Variants in NCKAP5 observed in about 807,000 individuals in gnomAD.
The protein encoded by NCKAP5 is NCK associated protein 5.
NCKAP5 carries 92 observed loss-of-function variants against 167.0 expected under a neutral mutation model. The ratio of observed to expected loss-of-function variants is 0.55; its 90% CI spans 0.47 to 0.66. The LOEUF (loss-of-function observed/expected upper bound fraction) is 0.66, where lower values mean the gene tolerates loss of function less well. Ranked by LOEUF, NCKAP5 falls within the 30% of genes least tolerant of loss-of-function variation. NCKAP5 has a pLI of 0.00. For synonymous variants in NCKAP5, 891 were observed against 877.4 expected (o/e 1.02, Z -0.27); for missense variants, 2,378 against 2,315.0 (o/e 1.03, Z -0.56).
chr2:132,693,135 A>C (rs1686939358), intron 19 of NCKAP5, among the ~76,000 whole-genome samples: 1 of 152,214 alleles, frequency 6.6e-6, no homozygotes, highest in African/African-American at 2.4e-5. Flanking sequence ...GCTGAAGTCA[A>C]AATTCATTCA....
At chr2:133,453,789 C>A (rs1022215379) in intron 3 of NCKAP5, among the ~76,000 whole-genome samples, 1 of 151,962 alleles carries the variant, frequency 6.6e-6, no homozygotes, top group Admixed American at 6.6e-5. Flanking sequence ...TTCAACTTTT[C>A]TGGATATGTT....
At chr2:133,622,086 C>A in the NCKAP5 span, among the ~76,000 whole-genome samples, 9 of 152,126 alleles carry the variant, frequency 5.9e-5, 1 homozygote, top group East Asian at 1.7e-3. Context: ...ATGCAGCATC[C>A]CTTTATGATT....
intron 11 of NCKAP5, among the ~76,000 whole-genome samples, chr2:132,840,817 T>A (rs192186441): frequency 8.5e-4 from 130 of 152,284 alleles, no homozygotes; most frequent in African/African-American, 2.9e-3. Flanking sequence ...ATATTTATTT[T>A]AAAAAATATT....
At chr2:133,275,100 G>T (rs1028308711) in intron 4 of NCKAP5, among the ~76,000 whole-genome samples, 8 of 151,686 alleles carry the variant, frequency 5.3e-5, no homozygotes, top group Admixed American at 2.0e-4. Flanking sequence ...AAAAGTGGGG[G>T]GAAGCATAGA....
In NCKAP5 at chr2:132,784,605, C is replaced by T. The variant is rs1401790430; in HGVS notation, c.2206G>A (p.Glu736Lys). The T allele has an allele frequency of 1.9e-6, 3 of 1,608,434 alleles. No homozygotes were observed. The highest frequency in any genetic ancestry group is 1.7e-6 in the Non-Finnish European group (2 of 1,177,154). ...GGAATGTTTTTCTCAGTGTCCTCTT[C>T]AGACCTTTTAAAGAAAGTATAGTCT... ...ARDYTFFKRS[E>K]EDTEKNIPKD... Residue 736 changes from glutamate (E) to lysine (K), a missense_variant, in exon 14 of 20, where the codon GAA (glutamate) becomes AAA (lysine). Physicochemically the swap from Glu to Lys is moderately conservative, Grantham distance 56. This residue lies in a region of NCKAP5 where 1,049 missense variants were observed against 1,023.4 expected (regional missense o/e 1.02). Transcript: ENST00000409261.
chr2:133,524,533 T>C (rs1159230750), intron 2 of NCKAP5, among the ~76,000 whole-genome samples: 4 of 152,160 alleles, frequency 2.6e-5, no homozygotes, highest in African/African-American at 9.7e-5. Context: ...GGTCTTCACG[T>C]AGAGTTTCAG....
intron 6 of NCKAP5, 123 bp from the exon 7 acceptor site, chr2:132,994,362 T>A (rs942239075): frequency 1.9e-5 from 13 of 674,596 alleles, no homozygotes; most frequent in African/African-American, 5.5e-5. Flanking sequence ...ATCTCTTTTC[T>A]CTCTACTTCA....
chr2:132,797,018 GA>G (rs1267878396), intron 11 of NCKAP5, among the ~76,000 whole-genome samples: 3 of 152,056 alleles, frequency 2.0e-5, no homozygotes, highest in Non-Finnish European at 2.9e-5. Flanking sequence ...TAAGCAGTAG[GA>G]AAAGTATGAA....
chr2:132,726,741 C>T (rs35114698), intron 18 of NCKAP5, among the ~76,000 whole-genome samples: 19,782 of 152,224 alleles, frequency 0.13, 1,411 homozygotes, highest in East Asian at 0.16. Context: ...CTCTTTCATT[C>T]ATTTACTTAG....
chr2:133,311,735 C>T (rs1282529195), intron 3 of NCKAP5, among the ~76,000 whole-genome samples: 1 of 152,136 alleles, frequency 6.6e-6, no homozygotes, highest in Non-Finnish European at 1.5e-5. Context: ...GTTTTAGGAT[C>T]TCTGTGTCAG....
chr2:132,812,175 C>T (rs1685929249), intron 11 of NCKAP5, among the ~76,000 whole-genome samples: 2 of 152,140 alleles, frequency 1.3e-5, no homozygotes, highest in Non-Finnish European at 1.5e-5. Flanking sequence ...TCTGTGAGTC[C>T]TCTCGGGATT....
chr2:132,750,884 G>A (rs577416032), intron 16 of NCKAP5, among the ~76,000 whole-genome samples: 1 of 152,362 alleles, frequency 6.6e-6, no homozygotes, highest in East Asian at 1.9e-4. Context: ...AGAGCCAAAT[G>A]AGGAGGATGA....
At chr2:132,965,942 G>GTA (rs550361232) in intron 7 of NCKAP5, among the ~76,000 whole-genome samples, 173 of 151,078 alleles carry the variant, frequency 1.1e-3, no homozygotes, top group African/African-American at 4.0e-3. Flanking sequence ...GTGTGTGTGT[G>GTA]TATCTGTAGA....
At chr2:133,123,832 C>A (rs1228904146) in intron 6 of NCKAP5, 1 of 470,868 alleles carries the variant, frequency 2.1e-6, no homozygotes. Flanking sequence ...TTTTAATGTA[C>A]CAGATACAGA....
intron 10 of NCKAP5, among the ~76,000 whole-genome samples, chr2:132,861,964 A>G (rs939936137): frequency 6.6e-6 from 1 of 152,218 alleles, no homozygotes; most frequent in Admixed American, 6.5e-5. Flanking sequence ...GCTCACAATT[A>G]TTTTGCTAAA....
At chr2:132,950,508 G>T (rs1028000267) in intron 8 of NCKAP5, among the ~76,000 whole-genome samples, 1 of 152,168 alleles carries the variant, frequency 6.6e-6, no homozygotes, top group African/African-American at 2.4e-5. Flanking sequence ...ATGGGGTAAG[G>T]TCATAAATGG....
intron 16 of NCKAP5, among the ~76,000 whole-genome samples, chr2:132,760,224 T>G (rs1680886595): frequency 6.6e-6 from 1 of 152,164 alleles, no homozygotes; most frequent in Admixed American, 6.5e-5. Flanking sequence ...CAGATCTTCC[T>G]GAGATCATTC....
At chr2:133,281,331 T>C (rs1322842269) in intron 4 of NCKAP5, among the ~76,000 whole-genome samples, 1 of 152,222 alleles carries the variant, frequency 6.6e-6, no homozygotes, top group Admixed American at 6.5e-5. Flanking sequence ...AATTATATTT[T>C]TTTCAAAATG....
intron 8 of NCKAP5, among the ~76,000 whole-genome samples, chr2:132,881,727 C>T (rs1481872757): frequency 6.6e-6 from 1 of 152,092 alleles, no homozygotes; most frequent in Non-Finnish European, 1.5e-5. Context: ...GGACCTGCTG[C>T]TGGACATGTT....
Sources: gnomAD v4.1 joint callset for allele counts (sites outside exome capture counted in the v4.1 genomes callset) on GRCh38, gnomAD v4.1.1 for gene constraint, gnomAD v4.1.1 regional missense constraint, MANE v1.5 for transcripts, NCBI Gene and HGNC (gene_info 2026-07-23, HGNC 2026-07-21) for gene names.